CCSER2: variants seen among roughly 807,000 people sequenced by gnomAD.
CCSER2 encodes the protein coiled-coil serine rich protein 2, also known as serine-rich coiled-coil domain-containing protein 2.
A neutral mutation model predicts 92.3 loss-of-function variants in CCSER2; 46 were observed. The observed-to-expected ratio is 0.50, with a 90% CI of 0.39 to 0.64. The LOEUF (loss-of-function observed/expected upper bound fraction) is 0.64, where lower values mean the gene tolerates loss of function less well. CCSER2 is among the 30% of genes least tolerant of loss of function. CCSER2 has a pLI of 0.00. For synonymous variants in CCSER2, 433 were observed against 431.4 expected (o/e 1.00, Z -0.04); for missense variants, 1,244 against 1,238.9 (o/e 1.00, Z -0.06).
rs1849574531 is a variant in CCSER2, at chr10:84,515,670, C to G, written c.*1403C>G. The G allele has an allele frequency of 2.6e-5, 4 of 152,130 alleles. No homozygotes were observed. The highest frequency in any genetic ancestry group is 2.6e-4 in the Admixed American group (4 of 15,272). 9.4% of individuals were successfully genotyped at this position (152,130 alleles called of 1,614,324 possible). A position where few individuals can be genotyped will look rare whatever the true frequency, so the allele number is the denominator to read the frequency against. On this transcript the variant is annotated 3_prime_UTR_variant, in exon 10 of 10. Coordinates refer to ENST00000372088, the MANE Select transcript of CCSER2 (RefSeq NM_001284240.2). ...TGTTGGTCAGGCTGGTCTCGAACTC[C>G]TGACCTCAAGTGATCCACCCACCTC...
intron 6 of CCSER2, among the ~76,000 whole-genome samples, chr10:84,463,293 A>G (rs780711666): frequency 6.6e-6 from 1 of 152,180 alleles, no homozygotes; most frequent in African/African-American, 2.4e-5. Flanking sequence ...TGTATGTTTA[A>G]CTACCGTACA....
intron 1 of CCSER2, among the ~76,000 whole-genome samples, chr10:84,338,233 G>A (rs1157952822): frequency 2.0e-5 from 3 of 150,238 alleles, no homozygotes; most frequent in Admixed American, 1.3e-4. Flanking sequence ...GCAGTGAGCC[G>A]AGATCACGTC....
chr10:84,491,530 C>G (rs1317128520), intron 9 of CCSER2, among the ~76,000 whole-genome samples: 1 of 152,152 alleles, frequency 6.6e-6, no homozygotes, highest in Non-Finnish European at 1.5e-5. Context: ...GGCGTGGGAC[C>G]CTCCGAGCCA....
At chr10:84,375,102 C>T (rs1846257041) in intron 3 of CCSER2, among the ~76,000 whole-genome samples, 1 of 152,060 alleles carries the variant, frequency 6.6e-6, no homozygotes, top group South Asian at 2.1e-4. Flanking sequence ...AAAAGGTGTC[C>T]AGCAGATGGC....
intron 3 of CCSER2, among the ~76,000 whole-genome samples, chr10:84,404,794 TGTTGTTTA>T (rs1842296297): frequency 1.3e-5 from 2 of 152,192 alleles, no homozygotes; most frequent in African/African-American, 4.8e-5. Flanking sequence ...AATATAACAA[TGTTGTTTA>T]TAAGATCTAC....
chr10:84,386,086 G>A (rs1292585893), intron 3 of CCSER2, among the ~76,000 whole-genome samples: 5 of 151,496 alleles, frequency 3.3e-5, no homozygotes, highest in Non-Finnish European at 7.4e-5. Flanking sequence ...AATAACATAT[G>A]TTGGTGAGGA....
chr10:84,451,859 T>C (rs1184333310), intron 6 of CCSER2, among the ~76,000 whole-genome samples: 4 of 152,186 alleles, frequency 2.6e-5, no homozygotes, highest in East Asian at 1.9e-4. Context: ...CTAAAGCGCT[T>C]ATTAAAATCA....
chr10:84,329,888 T>A (rs1471103847), intron 1 of CCSER2, among the ~76,000 whole-genome samples: 1 of 152,246 alleles, frequency 6.6e-6, no homozygotes, highest in African/African-American at 2.4e-5. Context: ...TTTTTTGTTT[T>A]CGTTTGTGTT....
intron 6 of CCSER2, among the ~76,000 whole-genome samples, chr10:84,448,556 AGAG>A (rs1444794698): frequency 6.6e-6 from 1 of 152,218 alleles, no homozygotes; most frequent in Non-Finnish European, 1.5e-5. Context: ...AGGAAGGTGA[AGAG>A]GAGAATTTAA....
chr10:84,462,276 C>T (rs1394998378), intron 6 of CCSER2, among the ~76,000 whole-genome samples: 2 of 152,136 alleles, frequency 1.3e-5, no homozygotes, highest in Non-Finnish European at 2.9e-5. Flanking sequence ...ATCCTTAATG[C>T]TGTTGTTTTA....
chr10:84,347,581 G>A lies in CCSER2; in HGVS notation c.-40+18773G>A, dbSNP rs1017402338. 4.6e-5 allele frequency among the ~76,000 whole-genome samples: 7 copies of A among 152,060 alleles called. No individual in the cohort carries two copies. In the South Asian group the frequency reaches 8.3e-4, roughly 18 times the overall value. ...CTCCCACCTCCCTCGCGGACGGGGC[G>A]GCTGGCCTGGCGGGGGCTGACCCTC... On this transcript the variant is annotated intron_variant, in intron 1 of 9. Transcript: ENST00000372088.
chr10:84,453,725 T>A (rs1203000889), intron 6 of CCSER2, among the ~76,000 whole-genome samples: 1 of 152,238 alleles, frequency 6.6e-6, no homozygotes. Context: ...CTTTTAATGC[T>A]GTCCATTTTT....
intron 1 of CCSER2, among the ~76,000 whole-genome samples, chr10:84,337,289 A>T (rs886932396): frequency 5.9e-5 from 9 of 152,218 alleles, no homozygotes; most frequent in African/African-American, 1.9e-4. Context: ...CTAGCAGAGG[A>T]GACCAAGAAG....
intron 1 of CCSER2, among the ~76,000 whole-genome samples, chr10:84,334,855 C>T (rs960738875): frequency 2.0e-5 from 3 of 152,022 alleles, no homozygotes; most frequent in African/African-American, 7.3e-5. Flanking sequence ...CCATCCTTAC[C>T]CTCTGTTCTC....
chr10:84,387,945 C>T (rs1242842491), intron 3 of CCSER2, among the ~76,000 whole-genome samples: 1 of 151,544 alleles, frequency 6.6e-6, no homozygotes, highest in Non-Finnish European at 1.5e-5. Context: ...CTCACAGCAA[C>T]CTCCACCTCC....
chr10:84,450,778 T>C (rs1302588540), intron 6 of CCSER2, among the ~76,000 whole-genome samples: 2 of 152,302 alleles, frequency 1.3e-5, no homozygotes, highest in Middle Eastern at 3.4e-3. Flanking sequence ...GTAATCAAGA[T>C]AGCTAGCTTA....
chr10:84,488,722 T>C (rs1847959381), intron 9 of CCSER2, among the ~76,000 whole-genome samples: 2 of 152,208 alleles, frequency 1.3e-5, no homozygotes, highest in South Asian at 4.1e-4. Context: ...TTGAAGGATT[T>C]TTTGTGTCTA....
At chr10:84,512,395 TGAGAGA>T (rs889502745) in intron 9 of CCSER2, among the ~76,000 whole-genome samples, 2 of 129,814 alleles carry the variant, frequency 1.5e-5, no homozygotes, top group East Asian at 2.4e-4. Flanking sequence ...TGTGTGTGTG[TGAGAGA>T]GAGAGAGAGA....
intron 6 of CCSER2, among the ~76,000 whole-genome samples, chr10:84,461,554 A>G (rs972179411): frequency 3.9e-5 from 6 of 151,906 alleles, no homozygotes; most frequent in African/African-American, 1.4e-4. Context: ...AGTTTATTGT[A>G]TAATCTGAAA....
Sources: gnomAD v4.1 joint callset for allele counts (sites outside exome capture counted in the v4.1 genomes callset) on GRCh38, gnomAD v4.1.1 for gene constraint, MANE v1.5 for transcripts, NCBI Gene and HGNC (gene_info 2026-07-23, HGNC 2026-07-21) for gene names.